The following WWTR1 variants were observed in gnomAD, a reference collection of about 807,000 sequenced individuals.
WWTR1 encodes WW domain-containing transcription regulator protein 1.
WWTR1 carries 13 observed loss-of-function variants against 40.1 expected under a neutral mutation model. The ratio of observed to expected loss-of-function variants is 0.32; its 90% CI spans 0.21 to 0.52. The LOEUF (loss-of-function observed/expected upper bound fraction) is 0.52. Among genes scored for constraint, WWTR1 ranks in the 20% least tolerant of loss-of-function variants. The probability of loss-of-function intolerance (pLI) is 0.97; values close to 1 mark genes in which losing one functional copy is unlikely to be tolerated. For synonymous variants in WWTR1, 230 were observed against 210.1 expected (o/e 1.09, Z -0.82); for missense variants, 436 against 523.1 (o/e 0.83, Z 1.63).
chr3:149,540,079 TACACACACACACAC>T (rs202144589), intron 4 of WWTR1: 327 of 272,040 alleles, frequency 1.2e-3, no homozygotes, highest in South Asian at 2.0e-3. Flanking sequence ...TCCTCCTAAC[TACACACACACACAC>T]ACACACACAC....
intron 3 of WWTR1, among the ~76,000 whole-genome samples, chr3:149,568,547 A>C (rs945940271): frequency 9.7e-4 from 137 of 141,462 alleles, no homozygotes; most frequent in African/African-American, 3.1e-3. Context: ...AAAAAAAAAA[A>C]AAAAAAAAAA....
chr3:149,572,747 T>C, intron 3 of WWTR1, 117 bp downstream of exon 3: 3 of 1,245,802 alleles, frequency 2.4e-6, no homozygotes, highest in Non-Finnish European at 3.3e-6. Context: ...TTTGGGAGAC[T>C]GAGGTGTTAG....
At position 149,619,528 on chromosome 3, in the gene WWTR1, C is replaced by T. The variant is rs146260768; in HGVS notation, c.431+37348G>A. Among the ~76,000 whole-genome samples, 579 of 152,180 alleles carry T rather than the reference C, an allele frequency of 3.8e-3. 7 individuals carry two copies. Among genetic ancestry groups the T allele is most frequent in the African/African-American group, 0.013 (544 of 41,522 alleles). On this transcript the variant is annotated intron_variant, in intron 2 of 6. Coordinates refer to ENST00000360632, the MANE Select transcript of WWTR1 (RefSeq NM_015472.6). ...GTCCCAGCTACTCAGGAGGCTGAGGCGGGAGTATCACTTGAGCCTAGGAGT... is the reference window on the plus strand; with the variant it reads ...GTCCCAGCTACTCAGGAGGCTGAGGTGGGAGTATCACTTGAGCCTAGGAGT...
At chr3:149,551,179 C>G (rs151312713) in intron 3 of WWTR1, among the ~76,000 whole-genome samples, 1,528 of 144,164 alleles carry the variant, frequency 0.011, 251 homozygotes, top group African/African-American at 0.039. Context: ...TGCCTTTAAT[C>G]CCAGCTACTC....
intron 2 of WWTR1, among the ~76,000 whole-genome samples, chr3:149,579,182 C>T (rs1738029489): frequency 6.6e-6 from 1 of 152,124 alleles, no homozygotes; most frequent in Non-Finnish European, 1.5e-5. Flanking sequence ...CTTTTTTCTG[C>T]CCACCATTTA....
chr3:149,524,195 CTGT>C (rs1398563772), intron 6 of WWTR1, among the ~76,000 whole-genome samples: 1 of 152,182 alleles, frequency 6.6e-6, no homozygotes, highest in Non-Finnish European at 1.5e-5. Flanking sequence ...ATCAGGCTGC[CTGT>C]TGGCTAAAAC....
intron 1 of WWTR1, chr3:149,671,018 T>G (rs1306051006): frequency 1.3e-5 from 2 of 152,208 alleles, no homozygotes; most frequent in Non-Finnish European, 2.9e-5. Context: ...CAACGCCGTC[T>G]GTCCTGGGAA....
chr3:149,618,931 C>A (rs1740133682), intron 2 of WWTR1, among the ~76,000 whole-genome samples: 1 of 152,138 alleles, frequency 6.6e-6, no homozygotes, highest in Non-Finnish European at 1.5e-5. Flanking sequence ...CTCCTTCAAC[C>A]CATTGACGTC....
chr3:149,526,435 T>C lies in WWTR1; in HGVS notation c.906-310A>G, dbSNP rs1434403677. Among the ~76,000 whole-genome samples, 3 of 150,642 alleles carry C rather than the reference T, an allele frequency of 2.0e-5. No homozygotes were observed. In the East Asian group the frequency reaches 5.8e-4, roughly 29 times the overall value. The stretch of plus-strand genomic sequence containing the variant: ...TTAAAAAAAAAAAACAAAAACTATG[T>C]TGAATATTGCTTATGGATACATACA... On this transcript the variant is annotated intron_variant, in intron 5 of 6. Coordinates refer to ENST00000360632, the MANE Select transcript of WWTR1 (RefSeq NM_015472.6).
At chr3:149,646,370 AC>A (rs1233067294) in intron 2 of WWTR1, among the ~76,000 whole-genome samples, 1 of 152,234 alleles carries the variant, frequency 6.6e-6, no homozygotes, top group Non-Finnish European at 1.5e-5. Flanking sequence ...CAAGAGTGAC[AC>A]ACCCAAACTA....
At chr3:149,664,858 G>A (rs6792485) in intron 2 of WWTR1, among the ~76,000 whole-genome samples, 2,161 of 151,898 alleles carry the variant, frequency 0.014, 18 homozygotes, top group Non-Finnish European at 0.023. Context: ...CAAAGTGCTG[G>A]GATTATAGGA....
At chr3:149,714,859 T>A (rs1194951530) in intron 5 of WWTR1, among the ~76,000 whole-genome samples, 1 of 151,944 alleles carries the variant, frequency 6.6e-6, no homozygotes, top group Non-Finnish European at 1.5e-5. Context: ...CTGAGGCCCA[T>A]TAAAAACCCC....
At chr3:149,596,073 C>A (rs1323389604) in intron 2 of WWTR1, among the ~76,000 whole-genome samples, 1 of 151,964 alleles carries the variant, frequency 6.6e-6, no homozygotes, top group Non-Finnish European at 1.5e-5. Flanking sequence ...AAACCAAGTT[C>A]TCCATAAACT....
chr3:149,605,656 G>C (rs1739451780), intron 2 of WWTR1, among the ~76,000 whole-genome samples: 1 of 152,130 alleles, frequency 6.6e-6, no homozygotes, highest in Admixed American at 6.6e-5. Context: ...AGAAAGATTT[G>C]TGCTAGAGAT....
intron 4 of WWTR1, among the ~76,000 whole-genome samples, chr3:149,719,525 A>G (rs1038759082): frequency 6.6e-6 from 1 of 152,086 alleles, no homozygotes; most frequent in African/African-American, 2.4e-5. Flanking sequence ...TTTTTCATTC[A>G]TCTGTCAATG....
chr3:149,594,960 T>A, intron 2 of WWTR1, among the ~76,000 whole-genome samples: 1 of 119,510 alleles, frequency 8.4e-6, no homozygotes, highest in African/African-American at 3.4e-5. Context: ...CTTTTTTTTT[T>A]TTTTTTTTTT....
intron 3 of WWTR1, among the ~76,000 whole-genome samples, chr3:149,569,668 T>C (rs971294760): frequency 6.6e-6 from 1 of 152,262 alleles, no homozygotes; most frequent in Non-Finnish European, 1.5e-5. Context: ...TATCATCTGA[T>C]AGTAATGCTA....
chr3:149,606,331 T>C (rs978175454), intron 2 of WWTR1, among the ~76,000 whole-genome samples: 11 of 152,222 alleles, frequency 7.2e-5, no homozygotes, highest in African/African-American at 2.4e-4. Context: ...GTGTCTGCTA[T>C]ATGCCCTGGG....
At chr3:149,644,123 T>C (rs749936309) in intron 2 of WWTR1, among the ~76,000 whole-genome samples, 1 of 152,152 alleles carries the variant, frequency 6.6e-6, no homozygotes, top group Admixed American at 6.6e-5. Context: ...CAGTACGGCT[T>C]GCTACAATTA....
Sources: allele counts gnomAD v4.1 joint callset (sites outside exome capture counted in the v4.1 genomes callset), GRCh38; gene constraint gnomAD v4.1.1; transcripts MANE v1.5; gene names NCBI Gene and HGNC (gene_info 2026-07-23, HGNC 2026-07-21).